BTBD9: variants seen among roughly 807,000 people sequenced by gnomAD.
The protein encoded by BTBD9 is BTB domain containing 9, also known as BTB/POZ domain-containing protein 9.
BTBD9 carries 49 observed loss-of-function variants against 64.3 expected under a neutral mutation model. The ratio of observed to expected loss-of-function variants is 0.76; its 90% CI spans 0.61 to 0.97. The LOEUF is 0.97. Ranked by LOEUF, BTBD9 falls within the 50% of genes least tolerant of loss-of-function variation. The pLI, the probability that BTBD9 is intolerant of heterozygous loss-of-function variation, is 0.00. For synonymous variants in BTBD9, 260 were observed against 274.7 expected, an observed-to-expected ratio of 0.95 and a Z score of 0.53; for missense variants, 598 against 762.1, an observed-to-expected ratio of 0.78 and a Z score of 2.53.
chr6:38,571,561 GTAAAGT>G (rs1221039912), intron 6 of BTBD9: 8 of 152,190 alleles, frequency 5.3e-5, no homozygotes, highest in Admixed American at 1.3e-4. Context: ...CCAAAACACA[GTAAAGT>G]TAGAGTATTC....
intron 6 of BTBD9, among the ~76,000 whole-genome samples, chr6:38,391,799 G>A (rs1340908992): frequency 6.6e-6 from 1 of 152,150 alleles, no homozygotes; most frequent in South Asian, 2.1e-4. Context: ...GAAAAGGCAG[G>A]TGGCTCCCGA....
chr6:38,466,422 G>C (rs1770397870), intron 6 of BTBD9, among the ~76,000 whole-genome samples: 1 of 150,504 alleles, frequency 6.6e-6, no homozygotes, highest in African/African-American at 2.4e-5. Flanking sequence ...TTCCCGAGTA[G>C]CTGAGACTAT....
chr6:38,221,380 C>T (rs915709263), intron 9 of BTBD9, among the ~76,000 whole-genome samples: 5 of 152,162 alleles, frequency 3.3e-5, no homozygotes, highest in Non-Finnish European at 7.3e-5. Context: ...CACCCAGCCA[C>T]CTCCTGTCCA....
chr6:38,625,431 T>G (rs979419944), intron 1 of BTBD9, among the ~76,000 whole-genome samples: 1 of 152,224 alleles, frequency 6.6e-6, no homozygotes, highest in African/African-American at 2.4e-5. Flanking sequence ...TAACAATTGA[T>G]GGAGAGCCTG....
intron 10 of BTBD9, among the ~76,000 whole-genome samples, chr6:38,182,917 C>T (rs1314116176): frequency 6.6e-6 from 1 of 151,494 alleles, no homozygotes; most frequent in East Asian, 1.9e-4. Context: ...CTTTTCCTCT[C>T]TTTTTTTCCA....
intron 6 of BTBD9, among the ~76,000 whole-genome samples, chr6:38,438,535 C>T (rs1432560455): frequency 6.6e-6 from 1 of 152,138 alleles, no homozygotes; most frequent in Non-Finnish European, 1.5e-5. Flanking sequence ...CCTGTTTCTA[C>T]CAACAAGGCA....
rs116666234 is a variant in BTBD9 at position 38,533,170 on chromosome 6, A to T, written c.1154+44430T>A. 7.4e-3 allele frequency among the ~76,000 whole-genome samples: 1,132 copies of T among 152,264 alleles called. 12 individuals are homozygous for T. Among genetic ancestry groups the T allele is most frequent in the African/African-American group, 0.026 (1,076 of 41,570 alleles). ...CAACAATCTGTTGCCTACAAGAGAC[A>T]TACTTCACCTATAAAGATACACATA... On this transcript the variant is annotated intron_variant, in intron 6 of 10. Coordinates refer to ENST00000481247, the MANE Select transcript of BTBD9 (RefSeq NM_001099272.2).
At chr6:38,448,075 C>G (rs936154355) in intron 6 of BTBD9, among the ~76,000 whole-genome samples, 1 of 152,266 alleles carries the variant, frequency 6.6e-6, no homozygotes, top group East Asian at 1.9e-4. Flanking sequence ...TTACAGTAAT[C>G]AGGGTGTGTC....
chr6:38,321,304 G>A (rs1203025159), intron 7 of BTBD9, among the ~76,000 whole-genome samples: 1 of 152,192 alleles, frequency 6.6e-6, no homozygotes, highest in South Asian at 2.1e-4. Context: ...GGAAAGGCAG[G>A]AGGGAGAAGA....
At chr6:38,497,955 T>C (rs935742138) in intron 6 of BTBD9, among the ~76,000 whole-genome samples, 2 of 152,208 alleles carry the variant, frequency 1.3e-5, no homozygotes, top group African/African-American at 4.8e-5. Context: ...ATAAGAATAA[T>C]GTGTGTTAGG....
chr6:38,580,496 G>T (rs1372911177), intron 4 of BTBD9, 59 bp from the exon 5 acceptor site: 27 of 1,409,082 alleles, frequency 1.9e-5, no homozygotes, highest in Non-Finnish European at 2.6e-5. Context: ...TGTATTTTTT[G>T]AAAAAAATAC....
At chr6:38,498,994 T>C (rs1031660134) in intron 6 of BTBD9, among the ~76,000 whole-genome samples, 4 of 152,212 alleles carry the variant, frequency 2.6e-5, no homozygotes, top group Non-Finnish European at 5.9e-5. Context: ...TGATCTAACA[T>C]AACTGGAGTC....
chr6:38,260,080 T>C lies in BTBD9; in HGVS notation c.1455-3564A>G, dbSNP rs541317460. 2.6e-5 allele frequency among the ~76,000 whole-genome samples: 4 copies of C among 152,358 alleles called. No homozygotes were observed. In the South Asian group the frequency reaches 8.3e-4, roughly 32 times the overall value. On this transcript the variant is annotated intron_variant, in intron 8 of 10. Transcript: ENST00000481247. ...GAGTAACTTTTAAAAGTGTATTTTTTGCTCCTATGTTTGTCTGGTTCTTAT... is the reference window on the plus strand; with the variant it reads ...GAGTAACTTTTAAAAGTGTATTTTTCGCTCCTATGTTTGTCTGGTTCTTAT...
chr6:38,610,721 CTG>C (rs1777588607), intron 1 of BTBD9, among the ~76,000 whole-genome samples: 1 of 152,160 alleles, frequency 6.6e-6, no homozygotes, highest in Non-Finnish European at 1.5e-5. Flanking sequence ...AGCTCTAAAA[CTG>C]TAACAAAATC....
intron 6 of BTBD9, among the ~76,000 whole-genome samples, chr6:38,478,727 A>T (rs1029767845): frequency 6.6e-6 from 1 of 152,234 alleles, no homozygotes; most frequent in Admixed American, 6.5e-5. Flanking sequence ...GGAAGAGCTA[A>T]GAACTCCTGT....
intron 6 of BTBD9, among the ~76,000 whole-genome samples, chr6:38,481,292 C>T (rs73730973): frequency 0.011 from 1,651 of 152,250 alleles, 32 homozygotes; most frequent in African/African-American, 0.038. Flanking sequence ...AAATTAATTC[C>T]TTTCTGAATG....
chr6:38,193,206 G>C (rs1037411250), intron 9 of BTBD9, among the ~76,000 whole-genome samples: 19 of 152,194 alleles, frequency 1.2e-4, no homozygotes, highest in African/African-American at 3.9e-4. Context: ...ATGCGCATCT[G>C]AGCGGGAGCA....
intron 6 of BTBD9, among the ~76,000 whole-genome samples, chr6:38,550,330 T>A (rs1044675292): frequency 2.0e-5 from 3 of 151,706 alleles, no homozygotes; most frequent in African/African-American, 7.3e-5. Flanking sequence ...TTCTTTTTTT[T>A]TTTTGAGATG....
chr6:38,585,499 T>C (rs1776475096), intron 4 of BTBD9, among the ~76,000 whole-genome samples: 1 of 152,078 alleles, frequency 6.6e-6, no homozygotes, highest in African/African-American at 2.4e-5. Context: ...TTTTAGAGAC[T>C]GCATCTCACT....
Sources: allele counts gnomAD v4.1 joint callset (sites outside exome capture counted in the v4.1 genomes callset), GRCh38; gene constraint gnomAD v4.1.1; transcripts MANE v1.5; gene names NCBI Gene and HGNC (gene_info 2026-07-23, HGNC 2026-07-21).